The following RIT2 variants were observed in gnomAD, a reference collection of about 807,000 sequenced individuals.
The protein encoded by RIT2 is GTP-binding protein Rit2.
RIT2 carries 24 observed loss-of-function variants against 23.7 expected under a neutral mutation model. The ratio of observed to expected loss-of-function variants is 1.01; its 90% CI spans 0.73 to 1.43. The LOEUF (loss-of-function observed/expected upper bound fraction) is 1.43, where lower values mean the gene tolerates loss of function less well. RIT2 is among the 40% of genes most tolerant of loss of function. RIT2 has a pLI of 0.00. For missense variants in RIT2, 236 were observed against 266.9 expected (o/e 0.88, Z 0.81); for synonymous variants, 107 against 91.1 (o/e 1.17, Z -0.99).
intron 4 of RIT2, among the ~76,000 whole-genome samples, chr18:42,833,278 A>G (rs1906511156): frequency 6.6e-6 from 1 of 152,140 alleles, no homozygotes; most frequent in African/African-American, 2.4e-5. Flanking sequence ...ACTTAGCATA[A>G]TAACCTCTAG....
chr18:43,083,461 G>A (rs1328235500), intron 1 of RIT2, among the ~76,000 whole-genome samples: 3 of 152,020 alleles, frequency 2.0e-5, no homozygotes, highest in East Asian at 1.9e-4. Flanking sequence ...GAAACATCAC[G>A]CTACCTGACT....
chr18:42,786,810 C>T (rs745721465), intron 4 of RIT2, among the ~76,000 whole-genome samples: 6 of 152,076 alleles, frequency 3.9e-5, no homozygotes, highest in East Asian at 1.9e-4. Flanking sequence ...TATCAAAACT[C>T]GTTTGTTCAG....
Position 42,910,849 on chromosome 18 carries a change from T to C in RIT2, c.426+12723A>G, listed in dbSNP as rs1433913332. ...CCGATAGAGCAGAATGAGAAAGAAA[T>C]CCGTAATTATAACATGGGTTTCAAA... is the stretch of plus-strand genomic sequence containing the variant. On this transcript the variant is annotated intron_variant, in intron 4 of 4. Coordinates refer to ENST00000326695, the MANE Select transcript of RIT2 (RefSeq NM_002930.4). Among the ~76,000 whole-genome samples, 4 of 152,022 alleles carry C rather than the reference T, an allele frequency of 2.6e-5. No homozygotes were observed. The East Asian group carries it at 7.7e-4, about 29-fold the overall frequency.
At chr18:42,750,379 G>A (rs1913017971) in intron 4 of RIT2, among the ~76,000 whole-genome samples, 1 of 151,686 alleles carries the variant, frequency 6.6e-6, no homozygotes, top group African/African-American at 2.4e-5. Flanking sequence ...TTTTTGGTGA[G>A]TTCATGTTGT....
intron 1 of RIT2, among the ~76,000 whole-genome samples, chr18:43,105,226 C>A (rs575787770): frequency 6.6e-6 from 1 of 151,916 alleles, no homozygotes; most frequent in South Asian, 2.1e-4. Flanking sequence ...ACTTTTATTA[C>A]TGTCACTGAA....
intron 4 of RIT2, among the ~76,000 whole-genome samples, chr18:42,858,771 C>T (rs1907252713): frequency 6.6e-6 from 1 of 152,122 alleles, no homozygotes; most frequent in African/African-American, 2.4e-5. Context: ...GTAGACTTCC[C>T]AATTCTGGAA....
intron 1 of RIT2, among the ~76,000 whole-genome samples, chr18:43,061,509 CAAGCCAAGAACAGTCTA>C (rs1273881822): frequency 6.6e-6 from 1 of 152,096 alleles, no homozygotes; most frequent in African/African-American, 2.4e-5. Context: ...ACCTGACCTT[CAAGCCAAGAACAGTCTA>C]AAGTCTAAAA....
intron 4 of RIT2, among the ~76,000 whole-genome samples, chr18:42,793,038 TCTCA>T (rs1309203486): frequency 1.3e-5 from 2 of 150,570 alleles, no homozygotes; most frequent in Non-Finnish European, 2.9e-5. Flanking sequence ...TCACAAGCAC[TCTCA>T]CTGTTAACCT....
At chr18:42,803,159 C>T (rs748715479) in intron 4 of RIT2, among the ~76,000 whole-genome samples, 4 of 152,298 alleles carry the variant, frequency 2.6e-5, no homozygotes, top group East Asian at 1.9e-4. Flanking sequence ...AGATTATCTG[C>T]GTATTTATCG....
At chr18:43,039,435 G>A (rs1295267749) in intron 1 of RIT2, among the ~76,000 whole-genome samples, 1 of 149,028 alleles carries the variant, frequency 6.7e-6, no homozygotes, top group African/African-American at 2.5e-5. Flanking sequence ...TGCAGGCCCC[G>A]CCTCCTGGGT....
chr18:43,042,177 T>C (rs1912143428), intron 1 of RIT2, among the ~76,000 whole-genome samples: 1 of 152,156 alleles, frequency 6.6e-6, no homozygotes, highest in Admixed American at 6.5e-5. Flanking sequence ...CCCATTTGTC[T>C]TGGTTTTTGG....
intron 2 of RIT2, among the ~76,000 whole-genome samples, chr18:42,979,751 T>C (rs1248121858): frequency 1.3e-5 from 2 of 152,156 alleles, no homozygotes; most frequent in Non-Finnish European, 2.9e-5. Flanking sequence ...TATTTGAGTA[T>C]GTAATAGGTG....
chr18:42,817,240 G>T lies in RIT2; in HGVS notation c.427-73520C>A, dbSNP rs558162596. Among the ~76,000 whole-genome samples, 11 of 152,200 alleles carry T rather than the reference G, an allele frequency of 7.2e-5. No homozygotes were observed. In the South Asian group the frequency reaches 2.1e-3, roughly 29 times the overall value. On this transcript the variant is annotated intron_variant, in intron 4 of 4. Coordinates refer to ENST00000326695, the MANE Select transcript of RIT2 (RefSeq NM_002930.4). ...CTAAATTGATTATTTGATTCACTGT[G>T]TTCTCAAAGTTGATTCTTTTTTAAT...
At chr18:42,965,481 C>A (rs1910193736) in intron 3 of RIT2, among the ~76,000 whole-genome samples, 1 of 152,082 alleles carries the variant, frequency 6.6e-6, no homozygotes, top group South Asian at 2.1e-4. Context: ...CTAATGTGAT[C>A]TTTCATATAG....
intron 4 of RIT2, among the ~76,000 whole-genome samples, chr18:42,864,221 G>C (rs1394868832): frequency 2.0e-5 from 3 of 152,112 alleles, no homozygotes; most frequent in Non-Finnish European, 4.4e-5. Context: ...AGGGGAAGTT[G>C]AACCAGGTAT....
chr18:42,944,524 C>G (rs1350833147), intron 3 of RIT2, among the ~76,000 whole-genome samples: 1 of 151,970 alleles, frequency 6.6e-6, no homozygotes, highest in Non-Finnish European at 1.5e-5. Flanking sequence ...CCTGTGATTT[C>G]GAGAGAAAGT....
chr18:42,799,335 A>T (rs1349493819), intron 4 of RIT2, among the ~76,000 whole-genome samples: 1 of 152,216 alleles, frequency 6.6e-6, no homozygotes, highest in Non-Finnish European at 1.5e-5. Flanking sequence ...CCTTTACCTA[A>T]AGTAGAATTT....
rs1433339334 is a variant in RIT2, at chr18:42,837,584, G to T, written c.426+85988C>A. Among the ~76,000 whole-genome samples the T allele has an allele frequency of 3.9e-5, 6 of 152,232 alleles. No homozygotes were observed. In the East Asian group the frequency reaches 7.8e-4, roughly 20 times the overall value. On this transcript the variant is annotated intron_variant, in intron 4 of 4. Transcript: ENST00000326695. ...ACTTTGAGCAAAAATGCTATTCAAA[G>T]CTGTTAGGAGACTTGCAAAAGAATT...
intron 1 of RIT2, among the ~76,000 whole-genome samples, chr18:43,090,173 T>A (rs887239022): frequency 5.9e-5 from 9 of 151,726 alleles, no homozygotes; most frequent in African/African-American, 2.2e-4. Context: ...CTTAAACAAA[T>A]TTACAAGAAA....
Sources: allele counts gnomAD v4.1 joint callset (sites outside exome capture counted in the v4.1 genomes callset), GRCh38; gene constraint gnomAD v4.1.1; transcripts MANE v1.5; gene names NCBI Gene and HGNC (gene_info 2026-07-23, HGNC 2026-07-21).